VAV1: variants seen among roughly 807,000 people sequenced by gnomAD.
The protein encoded by VAV1 is vav guanine nucleotide exchange factor 1.
Under a neutral mutation model 128.1 loss-of-function variants are expected in VAV1, and 33 were observed. The observed-to-expected ratio is 0.26, with a 90% CI of 0.20 to 0.34. VAV1 has a LOEUF of 0.34. Among genes scored for constraint, VAV1 ranks in the 10% least tolerant of loss-of-function variants. VAV1 has a pLI of 1.00. For missense variants in VAV1, 715 were observed against 1,093.7 expected (o/e 0.65, Z 4.88); for synonymous variants, 394 against 409.8 (o/e 0.96, Z 0.47).
intron 6 of VAV1, among the ~76,000 whole-genome samples, chr19:6,824,022 C>T (rs1045411493): frequency 4.6e-5 from 7 of 151,228 alleles, no homozygotes; most frequent in Middle Eastern, 3.2e-3. Context: ...ACTGCAGCCT[C>T]GAACTCCTGG....
At chr19:6,793,367 T>C (rs1287071424) in intron 1 of VAV1, among the ~76,000 whole-genome samples, 1 of 151,622 alleles carries the variant, frequency 6.6e-6, no homozygotes, top group Non-Finnish European at 1.5e-5. Context: ...AAGGACCATA[T>C]ATCAAAAATG....
chr19:6,800,863 G>C (rs1402420453), intron 1 of VAV1, among the ~76,000 whole-genome samples: 4 of 151,670 alleles, frequency 2.6e-5, no homozygotes, highest in Non-Finnish European at 5.9e-5. Context: ...CTGACCTCAA[G>C]TGATCCGCCC....
At chr19:6,818,891 G>A (rs1186020123) in intron 1 of VAV1, among the ~76,000 whole-genome samples, 1 of 152,072 alleles carries the variant, frequency 6.6e-6, no homozygotes, top group Non-Finnish European at 1.5e-5. Context: ...CGAGGCGGGT[G>A]GATCACCTGA....
intron 21 of VAV1, among the ~76,000 whole-genome samples, chr19:6,839,574 G>C (rs1972320789): frequency 6.6e-6 from 1 of 151,568 alleles, no homozygotes; most frequent in Non-Finnish European, 1.5e-5. Context: ...GGCTGGGTAT[G>C]GCATTTTCTT....
chr19:6,810,347 A>C (rs1238330502), intron 1 of VAV1, among the ~76,000 whole-genome samples: 3 of 152,154 alleles, frequency 2.0e-5, no homozygotes, highest in East Asian at 3.8e-4. Context: ...ATAAAAATAA[A>C]AATAAACCCG....
rs148614647 is a variant in VAV1 at position 6,784,223 on chromosome 19, C to G, written c.204+11212C>G. On this transcript the variant is annotated intron_variant, in intron 1 of 26. Transcript: ENST00000602142. ...GAGCTATGATTGTGCTACCACTGTA[C>G]TCCAGACTGGACAAAAGAGTAAGAC... The G allele has an allele frequency of 1.8e-3, 1,162 of 655,856 alleles. 1 individual carries two copies. The highest frequency in any genetic ancestry group is 2.8e-3 in the Non-Finnish European group (996 of 357,508). The allele number at this position is 655,856 out of a possible 1,614,324, so 40.6% of individuals were successfully genotyped here. A position where few individuals can be genotyped will look rare whatever the true frequency, so the allele number is the denominator to read the frequency against.
Position 6,828,333 on chromosome 19 carries a change from C to G in VAV1, c.1024-86C>G. On this transcript the variant is annotated intron_variant, in intron 10 of 26. Transcript: ENST00000602142. The surrounding 1 kb of genome is among the most constrained non-coding windows in gnomAD (Gnocchi z 4.5). Reference sequence around the variant, plus strand: ...CAGGGTCAGCAGTACGATGGAGGAGCTGGTGAGCTAGCATTGTTTGGAAGG... The same window carrying G: ...CAGGGTCAGCAGTACGATGGAGGAGGTGGTGAGCTAGCATTGTTTGGAAGG... 1 of 1,567,714 alleles carries G rather than the reference C, an allele frequency of 6.4e-7. No individual in the cohort carries two copies. Among genetic ancestry groups the G allele is most frequent in the Non-Finnish European group, 8.8e-7 (1 of 1,141,990 alleles).
intron 22 of VAV1, 46 bp from the exon 23 acceptor site, chr19:6,847,952 C>G: frequency 7.0e-7 from 1 of 1,425,064 alleles, no homozygotes; most frequent in Non-Finnish European, 9.2e-7. Flanking sequence ...TATGGGGACC[C>G]AGGCACGGGG....
chr19:6,833,419 C>T, intron 16 of VAV1, 109 bp from the exon 17 acceptor site: 1 of 1,380,228 alleles, frequency 7.2e-7, no homozygotes, highest in South Asian at 1.4e-5. Flanking sequence ...TTCTCCGTCA[C>T]TCTCCTGATC....
At chr19:6,819,625 C>T (rs905963823) in intron 1 of VAV1, among the ~76,000 whole-genome samples, 3 of 152,156 alleles carry the variant, frequency 2.0e-5, no homozygotes, top group Non-Finnish European at 4.4e-5. Flanking sequence ...GCATGCAATA[C>T]GTGGCTTTGG....
At chr19:6,829,588 T>C (rs1339337624) in intron 13 of VAV1, among the ~76,000 whole-genome samples, 198 bp from the exon 14 acceptor site, 1 of 151,816 alleles carries the variant, frequency 6.6e-6, no homozygotes, top group Non-Finnish European at 1.5e-5. Flanking sequence ...GCGAGGGGTA[T>C]GGGTGGAGCG....
intron 21 of VAV1, among the ~76,000 whole-genome samples, chr19:6,838,392 TATCC>T (rs60060059): frequency 0.67 from 97,891 of 146,006 alleles, 33,773 homozygotes; most frequent in Non-Finnish European, 0.75. Context: ...TCAGTTCTTC[TATCC>T]ATCCATCCAT....
chr19:6,838,389 TTCTA>T (rs1481471849), intron 21 of VAV1, among the ~76,000 whole-genome samples: 2 of 123,062 alleles, frequency 1.6e-5, no homozygotes, highest in Non-Finnish European at 3.4e-5. Flanking sequence ...CAATCAGTTC[TTCTA>T]TCCATCCATC....
chr19:6,828,749 T>C lies in VAV1; in HGVS notation c.1179+41T>C. The C allele has an allele frequency of 6.2e-7, 1 of 1,613,670 alleles. No homozygotes were observed. The highest frequency in any genetic ancestry group is 1.1e-5 in the South Asian group (1 of 91,046). The stretch of plus-strand genomic sequence containing the variant: ...CGGGTGGGCCAGGGGTGTGGCCACG[T>C]GGGGAGAGTGTGTGTCTGGCTCCTT... On this transcript the variant is annotated intron_variant, in intron 12 of 26. Transcript: ENST00000602142. The surrounding 1 kb of genome is among the most constrained non-coding windows in gnomAD (Gnocchi z 4.5).
At chr19:6,840,026 A>G (rs942005381) in intron 21 of VAV1, among the ~76,000 whole-genome samples, 3 of 152,054 alleles carry the variant, frequency 2.0e-5, no homozygotes, top group African/African-American at 7.2e-5. Context: ...GTTGAGTGGC[A>G]TTAAGTACAT....
intron 9 of VAV1, among the ~76,000 whole-genome samples, chr19:6,827,646 T>C (rs1378243956): frequency 1.3e-5 from 2 of 152,132 alleles, no homozygotes; most frequent in Non-Finnish European, 2.9e-5. Flanking sequence ...TCACCCAGGT[T>C]GGAGTGAAGT....
chr19:6,793,062 C>T (rs982099333), intron 1 of VAV1, among the ~76,000 whole-genome samples: 17 of 152,192 alleles, frequency 1.1e-4, no homozygotes, highest in East Asian at 3.9e-4. Context: ...TGGCCGGGCG[C>T]GGTGGCTCAC....
At chr19:6,791,472 G>C (rs1971017792) in intron 1 of VAV1, among the ~76,000 whole-genome samples, 1 of 152,016 alleles carries the variant, frequency 6.6e-6, no homozygotes, top group Non-Finnish European at 1.5e-5. Context: ...TGGGGTCCTT[G>C]AGCTACCTCC....
At chr19:6,783,626 G>A (rs1053662689) in intron 1 of VAV1, among the ~76,000 whole-genome samples, 26 of 152,168 alleles carry the variant, frequency 1.7e-4, no homozygotes, top group African/African-American at 6.0e-4. Flanking sequence ...GGGATTACAG[G>A]CATGCACCAT....
Sources: gnomAD v4.1 joint callset for allele counts (sites outside exome capture counted in the v4.1 genomes callset) on GRCh38, gnomAD v4.1.1 for gene constraint, Gnocchi (gnomAD v3.1) non-coding constraint, MANE v1.5 for transcripts, NCBI Gene and HGNC (gene_info 2026-07-23, HGNC 2026-07-21) for gene names.